ADAM21: variants seen among roughly 807,000 people sequenced by gnomAD.
The protein encoded by ADAM21 is ADAM metallopeptidase domain 21.
For synonymous variants in ADAM21, 262 were observed against 306.0 expected (o/e 0.86, Z 1.50); for missense variants, 678 against 874.4 (o/e 0.78, Z 2.83).
At position 70,458,448 on chromosome 14, in the gene ADAM21, C is replaced by T. The variant is rs1259634123; in HGVS notation, c.949C>T (p.Arg317Cys). The change falls in exon 2 of 2, where the codon CGT becomes TGT. Residue 317 changes from arginine (R) to cysteine (C), a missense_variant. Physicochemically the swap from Arg to Cys is radical, Grantham distance 180 (BLOSUM62 -3). Coordinates refer to ENST00000603540, the MANE Select transcript of ADAM21 (RefSeq NM_003813.4). ...LGLAYVAGICRPPIDCGVDNF... is the reference protein window; with the variant it reads ...LGLAYVAGICCPPIDCGVDNF... ...CCTAGCCTATGTTGCAGGAATATGT[C>T]GTCCACCTATTGATTGTGGAGTTGA... The T allele has an allele frequency of 1.8e-5, 29 of 1,613,958 alleles. No individual in the cohort carries two copies. The highest frequency in any genetic ancestry group is 2.2e-5 in the Non-Finnish European group (26 of 1,180,026).
chr14:70,454,354 G>A (rs1203584257), intron 1 of ADAM21, among the ~76,000 whole-genome samples: 1 of 151,804 alleles, frequency 6.6e-6, no homozygotes, highest in African/African-American at 2.4e-5. Flanking sequence ...TAGGAGTGGA[G>A]GAAGTATGTG....
At chr14:70,453,538 TA>T (rs1889067192) in intron 1 of ADAM21, 1 of 152,196 alleles carries the variant, frequency 6.6e-6, no homozygotes, top group Non-Finnish European at 1.5e-5. Flanking sequence ...AGTCTGGTTT[TA>T]AAGATTTTTT....
rs770576156 is a variant in ADAM21, at chr14:70,459,538, G to A, written c.2039G>A (p.Arg680Lys). ...GACAGTGGCCCAGCATCTGCAAAGAGAGGAGTTTTTTTGCCGCTGATTGTG... is the reference window on the plus strand; with the variant it reads ...GACAGTGGCCCAGCATCTGCAAAGAAAGGAGTTTTTTTGCCGCTGATTGTG... ...SIDSGPASAKRGVFLPLIVIP... is the reference protein window; with the variant it reads ...SIDSGPASAKKGVFLPLIVIP... Residue 680 changes from arginine (R) to lysine (K), a missense_variant, in exon 2 of 2, where the codon AGA becomes AAA. Coordinates refer to ENST00000603540, the MANE Select transcript of ADAM21 (RefSeq NM_003813.4). 1.9e-6 allele frequency: 3 copies of A among 1,614,072 alleles called. No homozygotes were observed. Among genetic ancestry groups the A allele is most frequent in the Non-Finnish European group, 2.5e-6 (3 of 1,180,024 alleles).
chr14:70,459,845 G>A lies in ADAM21; in HGVS notation c.*177G>A. 1 of 754,092 alleles carries A rather than the reference G, an allele frequency of 1.3e-6. No homozygotes were observed. Among genetic ancestry groups the A allele is most frequent in the Admixed American group, 2.9e-5 (1 of 34,726 alleles). The allele number at this position is 754,092 out of a possible 1,614,324, so 46.7% of individuals were successfully genotyped here. On this transcript the variant is annotated 3_prime_UTR_variant, in exon 2 of 2. Transcript: ENST00000603540. Reference sequence around the variant, plus strand: ...ATTAAGTTCAAGTTATTCTTAACATGTTTCTATCTATTGTTTATTGTTTTA... The same window carrying A: ...ATTAAGTTCAAGTTATTCTTAACATATTTCTATCTATTGTTTATTGTTTTA...
In ADAM21 at chr14:70,458,743, A is replaced by T. The variant is rs1882468239; in HGVS notation, c.1244A>T (p.Glu415Val). Residue 415 changes from glutamate to valine, a missense_variant, in exon 2 of 2, where the codon GAA (glutamate) becomes GTA (valine). By Grantham distance (121) the Glu-to-Val change is moderately radical. Coordinates refer to ENST00000603540, the MANE Select transcript of ADAM21 (RefSeq NM_003813.4). The part of the protein sequence containing the change: ...MLKRCGNGVV[E>V]REEQCDCGSV... ...AAGCGCTGTGGGAATGGTGTGGTTG[A>T]AAGAGAAGAGCAGTGTGACTGTGGA... The T allele has an allele frequency of 6.2e-7, 1 of 1,614,124 alleles. No homozygotes were observed.
intron 1 of ADAM21, among the ~76,000 whole-genome samples, chr14:70,455,107 T>TTCTCTCTCTCTC (rs202149569): frequency 6.6e-6 from 1 of 151,872 alleles, no homozygotes; most frequent in Admixed American, 6.6e-5. Context: ...ATGGAGTTGG[T>TTCTCTCTCTCTC]TCTCTCTCTC....
intron 1 of ADAM21, among the ~76,000 whole-genome samples, chr14:70,455,277 C>T (rs1889088898): frequency 6.6e-6 from 1 of 152,152 alleles, no homozygotes; most frequent in Non-Finnish European, 1.5e-5. Flanking sequence ...ATTTTTATAT[C>T]TTCTGTGTAA....
In ADAM21 at chr14:70,459,101, T is replaced by G. The variant is rs2022624; in HGVS notation, c.1602T>G (p.Asn534Lys). 241 of 1,592,244 alleles carry G rather than the reference T, an allele frequency of 1.5e-4. No individual in the cohort carries two copies. Among genetic ancestry groups the G allele is most frequent in the Non-Finnish European group, 2.0e-4 (234 of 1,164,592 alleles). Residue 534 changes from asparagine to lysine, a missense_variant, in exon 2 of 2, where the codon AAT (asparagine) becomes AAG (lysine). Asn to Lys is a moderately conservative substitution (Grantham distance 94). Transcript: ENST00000603540. ...CTCAGAATTGCTATAAAGAAATCAA[T>G]TCTCAGGGAAACCGTTTTGGTCACT... ...SASQNCYKEI[N>K]SQGNRFGHCG...
rs1882492290 is a variant in ADAM21 at position 70,459,504 on chromosome 14, G to A, written c.2005G>A (p.Gly669Ser). 6.2e-7 allele frequency: 1 copy of A among 1,614,084 alleles called. No homozygotes were observed. Among genetic ancestry groups the A allele is most frequent in the African/African-American group, 1.3e-5 (1 of 74,936 alleles). The change falls in exon 2 of 2, where the codon GGC (glycine) becomes AGC (serine). Residue 669 changes from glycine to serine, a missense_variant. Gly to Ser is a moderately conservative substitution (Grantham distance 56). Transcript: ENST00000603540. The part of the protein sequence containing the change: ...PPYCQHRGYG[G>S]SIDSGPASAK... ...CTACTGCCAGCACAGAGGCTATGGG[G>A]GCAGTATTGACAGTGGCCCAGCATC...
chr14:70,459,384 G>A lies in ADAM21; in HGVS notation c.1885G>A (p.Val629Ile). ...CIHKKCVSLS[V>I]LSHVCLPETC... ...CCATAAGAAGTGTGTCAGTCTGTCT[G>A]TCTTGTCACATGTCTGCCTTCCTGA... The change falls in exon 2 of 2, where the codon GTC (valine) becomes ATC (isoleucine). Residue 629 changes from valine (V) to isoleucine (I), a missense_variant. By Grantham distance (29) the Val-to-Ile change is conservative. Transcript: ENST00000603540. The A allele has an allele frequency of 6.2e-7, 1 of 1,614,236 alleles. No individual in the cohort carries two copies. The highest frequency in any genetic ancestry group is 8.5e-7 in the Non-Finnish European group (1 of 1,180,028).
At chr14:70,452,670 T>C (rs72735756) in intron 1 of ADAM21, among the ~76,000 whole-genome samples, 35,408 of 152,170 alleles carry the variant, frequency 0.23, 5,238 homozygotes, top group East Asian at 0.54. Context: ...CCGGCGTGTT[T>C]TCATTTTTAA....
At chr14:70,455,896 G>T (rs1158158738) in intron 1 of ADAM21, among the ~76,000 whole-genome samples, 1 of 152,086 alleles carries the variant, frequency 6.6e-6, no homozygotes, top group Non-Finnish European at 1.5e-5. Flanking sequence ...GATTTTTCTT[G>T]TATAGTGACT....
chr14:70,458,846 G>A lies in ADAM21; in HGVS notation c.1347G>A (p.Gly449=), dbSNP rs1346555543. The change falls in exon 2 of 2, where the codon GGG becomes GGA. Residue 449 remains glycine (G), a synonymous_variant. Transcript: ENST00000603540. ...TLRPGAACAF[G]LCCKDCKFMP... ...GGCCTGGGGCTGCCTGTGCTTTTGGGCTTTGTTGCAAAGACTGCAAGTTCA... is the reference window on the plus strand; with the variant it reads ...GGCCTGGGGCTGCCTGTGCTTTTGGACTTTGTTGCAAAGACTGCAAGTTCA... 1.2e-6 allele frequency: 2 copies of A among 1,614,160 alleles called. No homozygotes were observed.
intron 1 of ADAM21, chr14:70,453,518 G>A (rs1441443331): frequency 6.6e-6 from 1 of 152,174 alleles, no homozygotes; most frequent in Non-Finnish European, 1.5e-5. Context: ...TCCTAGGAAT[G>A]AAGACAATGA....
At position 70,452,717 on chromosome 14, in the gene ADAM21, G is replaced by A. The variant is rs145330184; in HGVS notation, c.-152+454G>A. Among the ~76,000 whole-genome samples, 39 of 152,312 alleles carry A rather than the reference G, an allele frequency of 2.6e-4. 1 individual carries two copies. Among genetic ancestry groups the A allele is most frequent in the African/African-American group, 9.4e-4 (39 of 41,574 alleles). ...ACTTGAGCATGGATGTAGGTAGGGT[G>A]ACCAACCATTCCAGTTTGGTTGAGA... is the stretch of plus-strand genomic sequence containing the variant. On this transcript the variant is annotated intron_variant, in intron 1 of 1. Coordinates refer to ENST00000603540, the MANE Select transcript of ADAM21 (RefSeq NM_003813.4).
chr14:70,458,271 A>C lies in ADAM21; in HGVS notation c.772A>C (p.Ile258Leu). ...QLGTYIILIG[I>L]EIWNQGNVFP... ...AGGTACTTACATAATTTTGATTGGA[A>C]TTGAAATTTGGAATCAAGGAAATGT... The change falls in exon 2 of 2, where the codon ATT becomes CTT. Residue 258 changes from isoleucine to leucine, a missense_variant. Transcript: ENST00000603540. 6.2e-7 allele frequency: 1 copy of C among 1,614,086 alleles called. No homozygotes were observed. The highest frequency in any genetic ancestry group is 8.5e-7 in the Non-Finnish European group (1 of 1,180,042).
rs144766277 is a variant in ADAM21, at chr14:70,458,616, G to C, written c.1117G>C (p.Glu373Gln). The C allele has an allele frequency of 6.2e-7, 1 of 1,613,496 alleles. No homozygotes were observed. Among genetic ancestry groups the C allele is most frequent in the Non-Finnish European group, 8.5e-7 (1 of 1,179,926 alleles). Residue 373 changes from glutamate (E) to glutamine (Q), a missense_variant, in exon 2 of 2, where the codon GAG (glutamate) becomes CAG (glutamine). Coordinates refer to ENST00000603540, the MANE Select transcript of ADAM21 (RefSeq NM_003813.4). ...CATGAATACTTTTAGAGTGCCAGCA[G>C]AGAAATTCACCAATTGCAGTTACGC... ...CIMNTFRVPA[E>Q]KFTNCSYADF...
At chr14:70,453,805 C>T (rs2877663) in intron 1 of ADAM21, among the ~76,000 whole-genome samples, 44,406 of 151,718 alleles carry the variant, frequency 0.29, 6,472 homozygotes, top group Middle Eastern at 0.35. Context: ...GGAAGTTTTG[C>T]CTATGAACTT....
At position 70,459,640 on chromosome 14, in the gene ADAM21, A is replaced by G. The variant is rs774555165; in HGVS notation, c.2141A>G (p.Lys714Arg). The change falls in exon 2 of 2, where the codon AAA becomes AGA. Residue 714 changes from lysine (K) to arginine (R), a missense_variant. Lys to Arg is a conservative substitution (Grantham distance 26). Coordinates refer to ENST00000603540, the MANE Select transcript of ADAM21 (RefSeq NM_003813.4). Reference sequence around the variant, plus strand: ...TATCTACGACAATGTTCTGGTCCCAAAGAAACTAAGGCTCATTCATCAGGT... The same window carrying G: ...TATCTACGACAATGTTCTGGTCCCAGAGAAACTAAGGCTCATTCATCAGGT... The part of the protein sequence containing the change: ...LMYLRQCSGP[K>R]ETKAHSSG 3.1e-6 allele frequency: 5 copies of G among 1,614,122 alleles called. No individual in the cohort carries two copies. The highest frequency in any genetic ancestry group is 2.2e-5 in the South Asian group (2 of 91,076).
Sources: allele counts gnomAD v4.1 joint callset (sites outside exome capture counted in the v4.1 genomes callset), GRCh38; gene constraint gnomAD v4.1.1; transcripts MANE v1.5; gene names NCBI Gene and HGNC (gene_info 2026-07-23, HGNC 2026-07-21).